PITPNC1: variants seen among roughly 807,000 people sequenced by gnomAD.
The protein encoded by PITPNC1 is phosphatidylinositol transfer protein cytoplasmic 1.
PITPNC1 carries 18 observed loss-of-function variants against 44.7 expected under a neutral mutation model. The ratio of observed to expected loss-of-function variants is 0.40; its 90% CI spans 0.28 to 0.60. The LOEUF (loss-of-function observed/expected upper bound fraction) is 0.60. Ranked by LOEUF, PITPNC1 falls within the 20% of genes least tolerant of loss-of-function variation. The pLI, the probability that PITPNC1 is intolerant of heterozygous loss-of-function variation, is 0.39. For missense variants in PITPNC1, 290 were observed against 418.4 expected (o/e 0.69, Z 2.68); for synonymous variants, 141 against 149.6 (o/e 0.94, Z 0.42).
chr17:67,450,223 A>G (rs1489726739), intron 1 of PITPNC1, among the ~76,000 whole-genome samples: 1 of 152,180 alleles, frequency 6.6e-6, no homozygotes, highest in Non-Finnish European at 1.5e-5. Flanking sequence ...CATTTGGACA[A>G]TGGGCTGTGT....
intron 1 of PITPNC1, among the ~76,000 whole-genome samples, chr17:67,462,698 A>ATTTT (rs34015766): frequency 8.2e-6 from 1 of 122,340 alleles, no homozygotes; most frequent in African/African-American, 3.2e-5. Context: ...CACAATTGGA[A>ATTTT]TTTTTTTTTT....
At chr17:67,509,773 C>A (rs186222369) in intron 1 of PITPNC1, among the ~76,000 whole-genome samples, 21 of 152,144 alleles carry the variant, frequency 1.4e-4, no homozygotes, top group Non-Finnish European at 2.6e-4. Flanking sequence ...GAGGAAGAAT[C>A]AACTTCCTGA....
At chr17:67,461,343 C>T (rs2143973333) in intron 1 of PITPNC1, among the ~76,000 whole-genome samples, 1 of 152,358 alleles carries the variant, frequency 6.6e-6, no homozygotes, top group South Asian at 2.1e-4. Flanking sequence ...CATAGAATAG[C>T]ACGGGACAAT....
intron 2 of PITPNC1, among the ~76,000 whole-genome samples, chr17:67,534,191 G>C (rs536210907): frequency 1.3e-5 from 2 of 151,626 alleles, no homozygotes; most frequent in South Asian, 2.1e-4. Context: ...CACCACACCC[G>C]GCCTTTCTTG....
At chr17:67,472,742 G>C (rs1306897105) in intron 1 of PITPNC1, among the ~76,000 whole-genome samples, 1 of 152,094 alleles carries the variant, frequency 6.6e-6, no homozygotes, top group Non-Finnish European at 1.5e-5. Context: ...GCTGTCCTGG[G>C]CCACGGGTTG....
intron 7 of PITPNC1, among the ~76,000 whole-genome samples, chr17:67,673,966 C>CAAA (rs34458518): frequency 5.9e-5 from 5 of 84,874 alleles, no homozygotes; most frequent in Admixed American, 1.6e-4. Flanking sequence ...GACTCCGTCT[C>CAAA]AAAAAAAAAA....
Position 67,695,541 on chromosome 17 carries a change from C to T in PITPNC1, c.*2653C>T, listed in dbSNP as rs1342566979. On this transcript the variant is annotated 3_prime_UTR_variant, in exon 9 of 9. Transcript: ENST00000581322. ...GTTTGGGGGGAAATAGAATCCTTAA[C>T]TCAGTGCCTCTGTCTGCGATATGGA... is the stretch of plus-strand genomic sequence containing the variant. The T allele has an allele frequency of 6.6e-6, 1 of 150,838 alleles. No homozygotes were observed. Among genetic ancestry groups the T allele is most frequent in the African/African-American group, 2.4e-5 (1 of 41,142 alleles). The allele number at this position is 150,838 out of a possible 1,614,324, so 9.3% of individuals were successfully genotyped here.
intron 2 of PITPNC1, among the ~76,000 whole-genome samples, chr17:67,535,003 T>C (rs1432425837): frequency 6.6e-6 from 1 of 152,218 alleles, no homozygotes; most frequent in African/African-American, 2.4e-5. Flanking sequence ...TTCCTGTCAC[T>C]AGGGTGGATG....
intron 6 of PITPNC1, among the ~76,000 whole-genome samples, chr17:67,660,035 C>T (rs139725063): frequency 1.1e-3 from 165 of 152,232 alleles, no homozygotes; most frequent in African/African-American, 3.9e-3. Context: ...CACACACCAC[C>T]ACACCCAACT....
chr17:67,669,739 A>G, intron 7 of PITPNC1, 76 bp downstream of exon 7: 1 of 1,047,006 alleles, frequency 9.6e-7, no homozygotes, highest in Non-Finnish European at 1.4e-6. Context: ...TCCATGATAC[A>G]CAACAGGTGC....
At chr17:67,573,643 A>ACCCC (rs2041094419) in intron 4 of PITPNC1, among the ~76,000 whole-genome samples, 3 of 139,422 alleles carry the variant, frequency 2.2e-5, no homozygotes, top group Admixed American at 1.6e-4. Context: ...GCTCACTACA[A>ACCCC]CCCCCGCCTC....
intron 1 of PITPNC1, among the ~76,000 whole-genome samples, chr17:67,405,044 C>A (rs1023177837): frequency 6.6e-6 from 1 of 151,964 alleles, no homozygotes; most frequent in Non-Finnish European, 1.5e-5. Flanking sequence ...GTCAGGAGTT[C>A]GAGGCTAGCC....
At chr17:67,493,828 A>C (rs1388413919) in intron 1 of PITPNC1, among the ~76,000 whole-genome samples, 1 of 152,260 alleles carries the variant, frequency 6.6e-6, no homozygotes, top group Non-Finnish European at 1.5e-5. Context: ...TCTTCCTTGC[A>C]GAATGAGAAA....
intron 2 of PITPNC1, among the ~76,000 whole-genome samples, chr17:67,548,364 GT>G (rs2040713094): frequency 6.6e-6 from 1 of 152,218 alleles, no homozygotes; most frequent in Non-Finnish European, 1.5e-5. Flanking sequence ...GCCAAGGCGG[GT>G]GGATCACTTG....
intron 1 of PITPNC1, among the ~76,000 whole-genome samples, chr17:67,495,607 T>C (rs1034884715): frequency 1.3e-5 from 2 of 152,194 alleles, no homozygotes; most frequent in African/African-American, 4.8e-5. Context: ...ATCATTTAGC[T>C]CCCACTTGTA....
intron 1 of PITPNC1, among the ~76,000 whole-genome samples, chr17:67,474,833 T>C (rs1305863083): frequency 6.6e-6 from 1 of 151,660 alleles, no homozygotes; most frequent in Non-Finnish European, 1.5e-5. Context: ...TTTTTTTTTT[T>C]CTTGAAGAGG....
chr17:67,477,690 G>A (rs1022913666), intron 1 of PITPNC1, among the ~76,000 whole-genome samples: 20 of 152,084 alleles, frequency 1.3e-4, no homozygotes, highest in African/African-American at 4.8e-4. Context: ...ACAGGCATAA[G>A]CCACCGCATC....
intron 1 of PITPNC1, among the ~76,000 whole-genome samples, chr17:67,415,728 C>G (rs1454224708): frequency 2.0e-5 from 3 of 151,756 alleles, no homozygotes; most frequent in Non-Finnish European, 2.9e-5. Context: ...TTTTGGAACC[C>G]AGAAACTCAT....
chr17:67,478,192 T>C (rs1408159548), intron 1 of PITPNC1, among the ~76,000 whole-genome samples: 1 of 152,194 alleles, frequency 6.6e-6, no homozygotes, highest in East Asian at 1.9e-4. Flanking sequence ...CTGGGCAGCC[T>C]TTGGTGTTAG....
Sources: gnomAD v4.1 joint callset for allele counts (sites outside exome capture counted in the v4.1 genomes callset) on GRCh38, gnomAD v4.1.1 for gene constraint, MANE v1.5 for transcripts, NCBI Gene and HGNC (gene_info 2026-07-23, HGNC 2026-07-21) for gene names.